RAP1GAP2: variants seen among roughly 807,000 people sequenced by gnomAD.
RAP1GAP2 encodes the protein rap1 GTPase-activating protein 2.
A neutral mutation model predicts 95.0 loss-of-function variants in RAP1GAP2; 27 were observed. The ratio of observed to expected loss-of-function variants is 0.28; its 90% CI spans 0.21 to 0.39. The LOEUF is 0.39. Ranked by LOEUF, RAP1GAP2 falls within the 10% of genes least tolerant of loss-of-function variation. RAP1GAP2 has a pLI of 1.00. For synonymous variants in RAP1GAP2, 373 were observed against 380.9 expected (o/e 0.98, Z 0.24); for missense variants, 771 against 970.0 (o/e 0.79, Z 2.72).
rs1398447121 is a variant in RAP1GAP2, at chr17:2,982,755, C to A, written c.729+1507C>A. Among the ~76,000 whole-genome samples the A allele has an allele frequency of 5.9e-5, 9 of 152,118 alleles. 1 individual carries two copies. Among genetic ancestry groups the A allele is most frequent in the Admixed American group, 5.2e-4 (8 of 15,286 alleles). ...AATTTTGGTTGTCAAATCTTAGCCA[C>A]CGAGAGGACCAATGGTGTTTATTTG... On this transcript the variant is annotated intron_variant, in intron 10 of 24. Transcript: ENST00000254695.
At chr17:2,955,022 G>A (rs748652006) in intron 3 of RAP1GAP2, among the ~76,000 whole-genome samples, 2 of 152,106 alleles carry the variant, frequency 1.3e-5, no homozygotes, top group Non-Finnish European at 2.9e-5. Flanking sequence ...TTGTTTATTC[G>A]TCAGTTGATG....
In RAP1GAP2 at chr17:2,886,951, G is replaced by C. The variant is rs575490682; in HGVS notation, c.81-18333G>C. On this transcript the variant is annotated intron_variant, in intron 2 of 24. Transcript: ENST00000254695. ...GCCTCAGTTTCTTCATCTGCAAAAT[G>C]GGAGAATAATTCTGTATCTACCACA... Among the ~76,000 whole-genome samples, 5 of 152,306 alleles carry C rather than the reference G, an allele frequency of 3.3e-5. No homozygotes were observed. In the East Asian group the frequency reaches 9.6e-4, roughly 29 times the overall value.
intron 11 of RAP1GAP2, among the ~76,000 whole-genome samples, chr17:2,989,517 G>T (rs2045681341): frequency 1.3e-5 from 2 of 152,122 alleles, no homozygotes; most frequent in Non-Finnish European, 2.9e-5. Context: ...ATTTTTAGTA[G>T]AGACTGGGTT....
At chr17:2,854,516 C>A (rs1317792034) in intron 2 of RAP1GAP2, among the ~76,000 whole-genome samples, 2 of 152,252 alleles carry the variant, frequency 1.3e-5, no homozygotes, top group African/African-American at 4.8e-5. Flanking sequence ...TGGCCGAGAT[C>A]CGCTTGCTCT....
upstream of RAP1GAP2, among the ~76,000 whole-genome samples, chr17:2,776,664 C>CA (rs2068507100): frequency 6.6e-6 from 1 of 150,656 alleles, no homozygotes; most frequent in Non-Finnish European, 1.5e-5. Context: ...ACCCCGGACC[C>CA]TGGATCGGCG....
intron 2 of RAP1GAP2, among the ~76,000 whole-genome samples, chr17:2,889,828 G>A (rs1412319395): frequency 2.1e-5 from 3 of 142,464 alleles, no homozygotes; most frequent in Admixed American, 1.4e-4. Context: ...GACTACAGGC[G>A]CACGCCACCA....
intron 3 of RAP1GAP2, among the ~76,000 whole-genome samples, chr17:2,917,991 C>T (rs993071912): frequency 6.7e-6 from 1 of 148,444 alleles, no homozygotes; most frequent in Admixed American, 6.8e-5. Context: ...GCTGGGATTA[C>T]AGGCATAAGC....
rs1331990593 is a variant in RAP1GAP2, at chr17:2,902,999, T to C, written c.81-2285T>C. ...TGACCGGTGATGTTAAAACCAGCTC[T>C]GTCCTCCTCTGGACTGTGTGTTTCT... On this transcript the variant is annotated intron_variant, in intron 2 of 24. Coordinates refer to ENST00000254695, the MANE Select transcript of RAP1GAP2 (RefSeq NM_015085.5). The surrounding 1 kb of genome is among the most constrained non-coding windows in gnomAD (Gnocchi z 4.1). Among the ~76,000 whole-genome samples, 1 of 152,220 alleles carries C rather than the reference T, an allele frequency of 6.6e-6. No individual in the cohort carries two copies. The highest frequency in any genetic ancestry group is 6.5e-5 in the Admixed American group (1 of 15,270).
intron 2 of RAP1GAP2, chr17:2,853,956 ACGCGGGCGGGCGAGGTCGGGCAC>A (rs1377825686): frequency 3.1e-6 from 3 of 982,036 alleles, no homozygotes; most frequent in African/African-American, 3.5e-5. Flanking sequence ...GGCTGCGGGG[ACGCGGGCGGGCGAGGTCGGGCAC>A]CGCGGGCGGC....
chr17:2,794,025 G>A (rs142224057), upstream of RAP1GAP2, among the ~76,000 whole-genome samples: 975 of 151,644 alleles, frequency 6.4e-3, 5 homozygotes, highest in Middle Eastern at 0.02. Context: ...CTTGAACCAG[G>A]GAGGTGGAGG....
rs938216120 is a variant in RAP1GAP2, at chr17:2,903,554, T to C, written c.81-1730T>C. On this transcript the variant is annotated intron_variant, in intron 2 of 24. Transcript: ENST00000254695. This position sits in a 1 kb window ranked among gnomAD's most constrained non-coding sequence, Gnocchi z 4.1. Reference sequence around the variant, plus strand: ...CAGCCCTGCTGGTTTCTTGAGCCAGTTACAGCCTGGATCAGGCGGGAGAGT... The same window carrying C: ...CAGCCCTGCTGGTTTCTTGAGCCAGCTACAGCCTGGATCAGGCGGGAGAGT... Among the ~76,000 whole-genome samples the C allele has an allele frequency of 5.9e-5, 9 of 152,152 alleles. No homozygotes were observed. Among genetic ancestry groups the C allele is most frequent in the African/African-American group, 2.2e-4 (9 of 41,436 alleles).
rs951512301 is a variant in RAP1GAP2 at position 3,020,423 on chromosome 17, A to T, written c.1633-54A>T. 47 of 1,407,454 alleles carry T rather than the reference A, an allele frequency of 3.3e-5. No homozygotes were observed. The East Asian group carries it at 9.4e-4, about 28-fold the overall frequency. The allele number at this position is 1,407,454 out of a possible 1,614,324, so 87.2% of individuals were successfully genotyped here. A position where few individuals can be genotyped will look rare whatever the true frequency, so the allele number is the denominator to read the frequency against. ...GTAGACCAGGGAGGAGGATGAGGGGATAGGAGATCGGTGTTTGGGCCGGGA... is the reference window on the plus strand; with the variant it reads ...GTAGACCAGGGAGGAGGATGAGGGGTTAGGAGATCGGTGTTTGGGCCGGGA... On this transcript the variant is annotated intron_variant, in intron 18 of 24. Coordinates refer to ENST00000254695, the MANE Select transcript of RAP1GAP2 (RefSeq NM_015085.5).
At position 3,008,864 on chromosome 17, in the gene RAP1GAP2, C is replaced by T. The variant is rs570582792; in HGVS notation, c.1494+719C>T. 4.6e-5 allele frequency among the ~76,000 whole-genome samples: 7 copies of T among 152,246 alleles called. No homozygotes were observed. The highest frequency in any genetic ancestry group is 1.7e-4 in the African/African-American group (7 of 41,546). ...CTGTCAGCCTGTGCAGGTGGCGGAA[C>T]GGGTCTTGTTATATTCACGAACACA... On this transcript the variant is annotated intron_variant, in intron 17 of 24. Transcript: ENST00000254695. The surrounding 1 kb of genome is among the most constrained non-coding windows in gnomAD (Gnocchi z 4.2).
chr17:2,755,925 C>G (rs1332070473), intron 1 of RAP1GAP2, among the ~76,000 whole-genome samples: 1 of 151,832 alleles, frequency 6.6e-6, no homozygotes, highest in Non-Finnish European at 1.5e-5. Flanking sequence ...GTCCCCACCA[C>G]CCCCTCCGGT....
At chr17:2,969,163 T>TTATCTATCTATCTATCTATC (rs756995427) in intron 8 of RAP1GAP2, among the ~76,000 whole-genome samples, 2,497 of 146,632 alleles carry the variant, frequency 0.017, 51 homozygotes, top group East Asian at 0.077. Context: ...ATATTTTTCT[T>TTATCTATCTATCTATCTATC]TATCTATCTA....
chr17:3,020,663 C>A, intron 19 of RAP1GAP2, 68 bp downstream of exon 19: 1 of 1,378,580 alleles, frequency 7.3e-7, no homozygotes, highest in Non-Finnish European at 1.0e-6. Context: ...ACTGCTACAG[C>A]TGTTCAGTGC....
chr17:2,997,585 C>T (rs1051480518), intron 13 of RAP1GAP2, among the ~76,000 whole-genome samples: 1 of 152,148 alleles, frequency 6.6e-6, no homozygotes, highest in Non-Finnish European at 1.5e-5. Flanking sequence ...CTAGCCTCTA[C>T]CTAACGACTT....
At chr17:3,019,921 G>A (rs1385100446) in intron 18 of RAP1GAP2, among the ~76,000 whole-genome samples, 1 of 152,246 alleles carries the variant, frequency 6.6e-6, no homozygotes, top group Non-Finnish European at 1.5e-5. Flanking sequence ...TTCCAAAGCA[G>A]AAGGCGTCTT....
At chr17:3,009,193 G>T (rs2046431353) in intron 17 of RAP1GAP2, among the ~76,000 whole-genome samples, 3 of 152,144 alleles carry the variant, frequency 2.0e-5, no homozygotes, top group Admixed American at 1.3e-4. Flanking sequence ...CAGGACCCCT[G>T]TCAGAGCCAT....
Sources: allele counts gnomAD v4.1 joint callset (sites outside exome capture counted in the v4.1 genomes callset), GRCh38; gene constraint gnomAD v4.1.1; non-coding constraint Gnocchi (gnomAD v3.1); transcripts MANE v1.5; gene names NCBI Gene and HGNC (gene_info 2026-07-23, HGNC 2026-07-21).